Variants in PTCHD4 observed in about 807,000 individuals in gnomAD.
PTCHD4 encodes patched domain-containing protein 4.
In PTCHD4, 33 loss-of-function variants were observed where a neutral mutation model predicts 58.1. The ratio of observed to expected loss-of-function variants is 0.57; its 90% CI spans 0.43 to 0.76. The LOEUF (loss-of-function observed/expected upper bound fraction) is 0.76, where lower values mean the gene tolerates loss of function less well. PTCHD4 is among the 30% of genes least tolerant of loss of function. PTCHD4 has a pLI of 0.00. For synonymous variants in PTCHD4, 478 were observed against 409.6 expected (o/e 1.17, Z -2.02); for missense variants, 1,058 against 1,027.1 (o/e 1.03, Z -0.41).
At chr6:48,057,052 A>G (rs975226092) in intron 3 of PTCHD4, among the ~76,000 whole-genome samples, 3 of 152,108 alleles carry the variant, frequency 2.0e-5, no homozygotes, top group African/African-American at 4.8e-5. Flanking sequence ...TTTACTTGCT[A>G]TATTTGGCAA....
chr6:47,879,986 G>A, intron 4 of PTCHD4, 50 bp from the exon 5 acceptor site: 2 of 1,324,512 alleles, frequency 1.5e-6, no homozygotes, highest in Non-Finnish European at 2.0e-6. Context: ...TCCTCCTATG[G>A]CTCAAGTGAA....
rs139954766 is a variant in PTCHD4, at chr6:47,907,657, T to C, written c.899-27721A>G. Among the ~76,000 whole-genome samples, 429 of 152,176 alleles carry C rather than the reference T, an allele frequency of 2.8e-3. 4 individuals are homozygous for C. Among genetic ancestry groups the C allele is most frequent in the African/African-American group, 8.4e-3 (348 of 41,528 alleles). On this transcript the variant is annotated intron_variant, in intron 4 of 4. Coordinates refer to ENST00000339488, the MANE Select transcript of PTCHD4 (RefSeq NM_001384253.1). ...TCTCTATCACCAAAGGACCAGAAAA[T>C]AGCTGGTCCAGCAGGATACCAATAT...
At chr6:47,990,464 G>A (rs1379409957) in intron 4 of PTCHD4, among the ~76,000 whole-genome samples, 2 of 152,220 alleles carry the variant, frequency 1.3e-5, no homozygotes, top group East Asian at 3.9e-4. Flanking sequence ...GGACCCGGTG[G>A]GAGACATTTT....
At position 47,870,071 on chromosome 6, in the gene PTCHD4, C is replaced by T. The variant is rs1198306820; in HGVS notation, c.*8232G>A. Among the ~76,000 whole-genome samples, 1 of 151,610 alleles carries T rather than the reference C, an allele frequency of 6.6e-6. No individual in the cohort carries two copies. The highest frequency in any genetic ancestry group is 6.6e-5 in the Admixed American group (1 of 15,182). ...TATACACCTGTATAATTTATCACTA[C>T]TTTAATATATAAATTATTTCTATTA... On this transcript the variant is annotated 3_prime_UTR_variant, in exon 5 of 5. Transcript: ENST00000339488.
intron 1 of PTCHD4, among the ~76,000 whole-genome samples, chr6:48,103,400 T>C (rs1582141861): frequency 6.6e-6 from 1 of 152,150 alleles, no homozygotes; most frequent in Non-Finnish European, 1.5e-5. Flanking sequence ...GTCCTGACTG[T>C]TAGAAGGAAA....
chr6:48,090,076 T>C (rs752874614), intron 1 of PTCHD4, among the ~76,000 whole-genome samples: 44 of 152,198 alleles, frequency 2.9e-4, no homozygotes, highest in Non-Finnish European at 5.3e-4. Flanking sequence ...ATATTAGTTC[T>C]TAACATAATA....
intron 4 of PTCHD4, among the ~76,000 whole-genome samples, chr6:47,892,148 TA>T (rs1764400635): frequency 6.6e-6 from 1 of 152,156 alleles, no homozygotes; most frequent in Non-Finnish European, 1.5e-5. Context: ...CATGTGGAAC[TA>T]AAAATTCATT....
At chr6:47,908,507 T>C (rs1764971819) in intron 4 of PTCHD4, among the ~76,000 whole-genome samples, 1 of 152,094 alleles carries the variant, frequency 6.6e-6, no homozygotes, top group Admixed American at 6.6e-5. Context: ...AGTGAATGGA[T>C]CAGCTGATAT....
chr6:48,043,371 AATT>A (rs1193517651), intron 3 of PTCHD4, among the ~76,000 whole-genome samples: 1 of 151,810 alleles, frequency 6.6e-6, no homozygotes, highest in African/African-American at 2.4e-5. Flanking sequence ...ATTACTAGAG[AATT>A]ATTATTCACT....
At chr6:47,922,482 C>T (rs1007398968) in intron 4 of PTCHD4, among the ~76,000 whole-genome samples, 1 of 152,128 alleles carries the variant, frequency 6.6e-6, no homozygotes, top group African/African-American at 2.4e-5. Flanking sequence ...TAGAAAGAGG[C>T]TATTATTTAA....
rs558703028 is a variant in PTCHD4 at position 47,924,172 on chromosome 6, C to T, written c.899-44236G>A. On this transcript the variant is annotated intron_variant, in intron 4 of 4. Transcript: ENST00000339488. ...GTTCTTGTGAGCCTCCCCCTCATCC[C>T]GAGCTGCTGTCTCTCCTGCTTGGCT... 5.5e-4 allele frequency among the ~76,000 whole-genome samples: 83 copies of T among 152,120 alleles called. 1 individual carries two copies. The South Asian group carries it at 0.015, about 28-fold the overall frequency.
At chr6:47,942,990 G>A (rs528029591) in intron 4 of PTCHD4, among the ~76,000 whole-genome samples, 1 of 152,124 alleles carries the variant, frequency 6.6e-6, no homozygotes, top group African/African-American at 2.4e-5. Flanking sequence ...CTTTCTTGTG[G>A]CATAACCCCT....
At chr6:48,071,986 C>T (rs1302601188) in intron 1 of PTCHD4, among the ~76,000 whole-genome samples, 1 of 152,128 alleles carries the variant, frequency 6.6e-6, no homozygotes, top group African/African-American at 2.4e-5. Context: ...CACATAATAT[C>T]GAGGGTGCAT....
chr6:47,886,109 C>A (rs974971375), intron 4 of PTCHD4, among the ~76,000 whole-genome samples: 3 of 136,430 alleles, frequency 2.2e-5, no homozygotes, highest in Admixed American at 8.4e-5. Context: ...CGAGCCACGG[C>A]GATGGCAAGA....
rs1294367671 is a variant in PTCHD4 at position 47,863,770 on chromosome 6, G to C, written c.*14533C>G. 6.6e-6 allele frequency among the ~76,000 whole-genome samples: 1 copy of C among 151,858 alleles called. No homozygotes were observed. The highest frequency in any genetic ancestry group is 1.9e-4 in the East Asian group (1 of 5,146). On this transcript the variant is annotated 3_prime_UTR_variant, in exon 5 of 5. Coordinates refer to ENST00000339488, the MANE Select transcript of PTCHD4 (RefSeq NM_001384253.1). ...ACATTCTTTTATACTCTACGCCTTGGTTCCATGTTCCTAAATTTTCTTCAT... is the reference window on the plus strand; with the variant it reads ...ACATTCTTTTATACTCTACGCCTTGCTTCCATGTTCCTAAATTTTCTTCAT...
At chr6:48,004,970 G>C (rs2753191) in intron 4 of PTCHD4, among the ~76,000 whole-genome samples, 107,138 of 152,112 alleles carry the variant, frequency 0.7, 37,798 homozygotes, top group East Asian at 0.84. Flanking sequence ...TACTTCTCTA[G>C]AGAGACTGCA....
intron 1 of PTCHD4, among the ~76,000 whole-genome samples, chr6:48,110,529 A>G (rs976556596): frequency 1.3e-5 from 2 of 151,920 alleles, no homozygotes; most frequent in Admixed American, 1.3e-4. Flanking sequence ...GCAGTTATAT[A>G]GGATGAATAA....
intron 1 of PTCHD4, among the ~76,000 whole-genome samples, chr6:48,072,897 T>G (rs1765000735): frequency 6.6e-6 from 1 of 151,998 alleles, no homozygotes; most frequent in African/African-American, 2.4e-5. Flanking sequence ...AAAATATATA[T>G]TTTTAATAAG....
chr6:47,908,173 G>A lies in PTCHD4; in HGVS notation c.899-28237C>T, dbSNP rs980640503. ...GTCATTGGAACCATAGCCCCAAAAG[G>A]CAGACCAGAACCTCCATGATGAGTC... On this transcript the variant is annotated intron_variant, in intron 4 of 4. Coordinates refer to ENST00000339488, the MANE Select transcript of PTCHD4 (RefSeq NM_001384253.1). Among the ~76,000 whole-genome samples the A allele has an allele frequency of 3.9e-5, 6 of 152,058 alleles. No individual in the cohort carries two copies. In the East Asian group the frequency reaches 9.7e-4, roughly 24 times the overall value.
Sources: gnomAD v4.1 joint callset for allele counts (sites outside exome capture counted in the v4.1 genomes callset) on GRCh38, gnomAD v4.1.1 for gene constraint, MANE v1.5 for transcripts, NCBI Gene and HGNC (gene_info 2026-07-23, HGNC 2026-07-21) for gene names.